PLEKHA6: variants seen among roughly 807,000 people sequenced by gnomAD.
PLEKHA6 encodes the protein pleckstrin homology domain-containing family A member 6.
A neutral mutation model predicts 116.7 loss-of-function variants in PLEKHA6; 60 were observed. The ratio of observed to expected loss-of-function variants is 0.51; its 90% confidence interval spans 0.42 to 0.64. PLEKHA6 has a LOEUF of 0.64. PLEKHA6 is among the 30% of genes least tolerant of loss of function. The pLI is 0.00. For missense variants in PLEKHA6, 1,338 were observed against 1,422.7 expected (o/e 0.94, Z 0.96); for synonymous variants, 489 against 556.1 (o/e 0.88, Z 1.70).
chr1:204,273,796 A>G, intron 2 of PLEKHA6, 56 bp from the exon 3 acceptor site: 1 of 1,261,874 alleles, frequency 7.9e-7, no homozygotes, highest in Non-Finnish European at 1.2e-6. Flanking sequence ...AACAATGGAA[A>G]CAGCCCATCC....
intron 1 of PLEKHA6, among the ~76,000 whole-genome samples, chr1:204,311,271 C>T (rs1026801712): frequency 2.0e-5 from 3 of 152,192 alleles, no homozygotes; most frequent in Non-Finnish European, 4.4e-5. Context: ...GCAGGCAGAT[C>T]ACCTGAGGTC....
In PLEKHA6 at chr1:204,248,918, C is replaced by T. The variant is rs1254999489; in HGVS notation, c.1727G>A (p.Gly576Glu). ...MGTHQELEMF[G>E]SQPAYPEKLR... ...CTTTTCTGGGTAGGCGGGCTGGCTTCCAAACATCTCCAGCTCCTGGTGGGT... is the reference window on the plus strand; with the variant it reads ...CTTTTCTGGGTAGGCGGGCTGGCTTTCAAACATCTCCAGCTCCTGGTGGGT... Residue 576 changes from glycine to glutamate, a missense_variant, in exon 12 of 23, where the codon GGA (glycine) becomes GAA (glutamate). This residue lies in a region of PLEKHA6 where 1,136 missense variants were observed against 1,163.6 expected (regional missense o/e 0.98). Coordinates refer to ENST00000272203, the MANE Select transcript of PLEKHA6 (RefSeq NM_014935.5). 6.2e-7 allele frequency: 1 copy of T among 1,614,120 alleles called. No individual in the cohort carries two copies. Among genetic ancestry groups the T allele is most frequent in the South Asian group, 1.1e-5 (1 of 91,078 alleles).
intron 1 of PLEKHA6, among the ~76,000 whole-genome samples, chr1:204,372,143 C>T (rs1197552570): frequency 2.0e-5 from 3 of 152,244 alleles, no homozygotes; most frequent in Non-Finnish European, 4.4e-5. Context: ...TCATTCACGA[C>T]ATTCCCTCAC....
At chr1:204,321,842 G>A (rs903363728) in intron 1 of PLEKHA6, among the ~76,000 whole-genome samples, 3 of 133,206 alleles carry the variant, frequency 2.3e-5, no homozygotes, top group African/African-American at 8.4e-5. Flanking sequence ...GGCAGACTCA[G>A]TCGGCTGGCC....
intron 17 of PLEKHA6, among the ~76,000 whole-genome samples, chr1:204,231,453 C>A (rs751739558): frequency 2.0e-5 from 3 of 152,168 alleles, no homozygotes; most frequent in Non-Finnish European, 4.4e-5. Flanking sequence ...TGCATATTAC[C>A]TACACATATC....
intron 1 of PLEKHA6, among the ~76,000 whole-genome samples, chr1:204,375,390 A>G (rs1410584184): frequency 6.6e-6 from 1 of 152,054 alleles, no homozygotes; most frequent in Non-Finnish European, 1.5e-5. Flanking sequence ...CTCAAGCTGG[A>G]AATTCTAAGC....
chr1:204,287,994 TG>T (rs1215634372), intron 1 of PLEKHA6, among the ~76,000 whole-genome samples: 3 of 152,212 alleles, frequency 2.0e-5, no homozygotes, highest in African/African-American at 7.2e-5. Flanking sequence ...AATTTGTATC[TG>T]GTTGTAACAA....
At chr1:204,335,556 G>A (rs1672617913) in intron 1 of PLEKHA6, among the ~76,000 whole-genome samples, 1 of 152,086 alleles carries the variant, frequency 6.6e-6, no homozygotes, top group Admixed American at 6.5e-5. Flanking sequence ...CTCTTTGCCA[G>A]AGCAACTGGG....
intron 4 of PLEKHA6, 99 bp downstream of exon 4, chr1:204,268,109 T>C (rs1667037048): frequency 1.5e-6 from 1 of 687,630 alleles, no homozygotes; most frequent in East Asian, 2.8e-5. Context: ...CAGGGGGACA[T>C]ACCAAAAAAA....
chr1:204,361,186 C>T (rs546699151), upstream of PLEKHA6, among the ~76,000 whole-genome samples: 2 of 152,260 alleles, frequency 1.3e-5, no homozygotes, highest in Non-Finnish European at 2.9e-5. Context: ...GCCCCACTCA[C>T]CTGGTGATTG....
intron 1 of PLEKHA6, among the ~76,000 whole-genome samples, chr1:204,377,298 G>A (rs1426642098): frequency 6.6e-6 from 1 of 152,186 alleles, no homozygotes; most frequent in African/African-American, 2.4e-5. Flanking sequence ...TCATCCTCCT[G>A]GAGGCCTCGC....
chr1:204,225,218 C>T (rs192210903), intron 21 of PLEKHA6, among the ~76,000 whole-genome samples: 54 of 152,240 alleles, frequency 3.5e-4, no homozygotes, highest in Admixed American at 2.4e-3. Flanking sequence ...AGATCTATGT[C>T]CATTGTGGCC....
intron 2 of PLEKHA6, among the ~76,000 whole-genome samples, chr1:204,370,599 G>A (rs1254810965): frequency 2.0e-5 from 3 of 152,174 alleles, no homozygotes; most frequent in African/African-American, 7.2e-5. Context: ...TTTCTGACCT[G>A]TTTGTGTCCC....
intron 1 of PLEKHA6, among the ~76,000 whole-genome samples, chr1:204,316,347 G>A (rs11804460): frequency 0.22 from 34,216 of 152,166 alleles, 3,986 homozygotes; most frequent in South Asian, 0.29. Context: ...CACTCCCTGT[G>A]CCCACAAGAA....
At chr1:204,292,154 G>A (rs143221225) in intron 1 of PLEKHA6, among the ~76,000 whole-genome samples, 24 of 152,292 alleles carry the variant, frequency 1.6e-4, no homozygotes, top group African/African-American at 5.5e-4. Flanking sequence ...CCTGAATACG[G>A]TCTTCATCAA....
chr1:204,318,799 T>C (rs1671954138), intron 1 of PLEKHA6, among the ~76,000 whole-genome samples: 1 of 152,204 alleles, frequency 6.6e-6, no homozygotes, highest in African/African-American at 2.4e-5. Context: ...TCCCATACCC[T>C]TTATTCTGGA....
At chr1:204,271,061 GC>G (rs1667401176) in intron 3 of PLEKHA6, among the ~76,000 whole-genome samples, 2 of 152,348 alleles carry the variant, frequency 1.3e-5, no homozygotes, top group South Asian at 4.1e-4. Context: ...TGGCCCGTGG[GC>G]CACACGCAGC....
intron 1 of PLEKHA6, among the ~76,000 whole-genome samples, chr1:204,337,062 T>C (rs1672674284): frequency 6.6e-6 from 1 of 152,228 alleles, no homozygotes; most frequent in Admixed American, 6.5e-5. Flanking sequence ...ACTTTTCAGT[T>C]TGAACCCTTG....
At chr1:204,280,253 GGA>G in intron 1 of PLEKHA6, 4 of 954,418 alleles carry the variant, frequency 4.2e-6, no homozygotes, top group Non-Finnish European at 5.0e-6. Flanking sequence ...ACATCCCCCT[GGA>G]GAGTCAGCCT....
Sources: allele counts gnomAD v4.1 joint callset (sites outside exome capture counted in the v4.1 genomes callset), GRCh38; gene constraint gnomAD v4.1.1; regional missense constraint gnomAD v4.1.1; transcripts MANE v1.5; gene names NCBI Gene and HGNC (gene_info 2026-07-23, HGNC 2026-07-21).